APOBEC3B: variants seen among roughly 807,000 people sequenced by gnomAD.
APOBEC3B encodes apolipoprotein B mRNA editing enzyme catalytic subunit 3B, also known as DNA dC->dU-editing enzyme APOBEC-3B.
Under a neutral mutation model 53.4 loss-of-function variants are expected in APOBEC3B, and 29 were observed. That is an observed-to-expected ratio of 0.54 (90% CI 0.40 to 0.74). The LOEUF is 0.74. APOBEC3B is among the 30% of genes least tolerant of loss of function. The pLI is 0.00. For missense variants in APOBEC3B, 347 were observed against 496.2 expected, an observed-to-expected ratio of 0.70 and a Z score of 2.86; for synonymous variants, 132 against 184.8, an observed-to-expected ratio of 0.71 and a Z score of 2.32.
intron 5 of APOBEC3B, among the ~76,000 whole-genome samples, chr22:38,990,088 A>AGTGGGCCAGGAAAGG (rs1430264669): frequency 6.7e-6 from 1 of 149,138 alleles, no homozygotes; most frequent in Non-Finnish European, 1.5e-5. Context: ...TTGGGGAAGA[A>AGTGGGCCAGGAAAGG]CTGGGCCAGG....
At chr22:38,987,289 C>G (rs1923780124) in intron 4 of APOBEC3B, among the ~76,000 whole-genome samples, 1 of 147,946 alleles carries the variant, frequency 6.8e-6, no homozygotes, top group Non-Finnish European at 1.5e-5. Context: ...CAGCCCTGGG[C>G]TCTCTCCCCT....
At chr22:38,984,645 C>T (rs1344082012) in intron 2 of APOBEC3B, among the ~76,000 whole-genome samples, 1 of 148,192 alleles carries the variant, frequency 6.7e-6, no homozygotes, top group South Asian at 2.2e-4. Flanking sequence ...TTTCTTCAAC[C>T]TTGCCCTGGA....
rs1215602013 is a variant in APOBEC3B at position 38,988,679 on chromosome 22, CTT to C, written c.570-776_570-775del. 2.2e-4 allele frequency among the ~76,000 whole-genome samples: 2 copies of C among 9,004 alleles called. 1 individual carries two copies. Among genetic ancestry groups the C allele is most frequent in the Admixed American group, 2.4e-3 (2 of 826 alleles). 5.9% of individuals were successfully genotyped at this position (9,004 alleles called of 152,430 possible). A position where few individuals can be genotyped will look rare whatever the true frequency, so the allele number is the denominator to read the frequency against. ...TTCCTTGCTTCCTCTCTCTTTCTCTCTTTCTCTTTCTTTCTTTCTTTCTTTCT... is the reference window on the plus strand; with the variant it reads ...TTCCTTGCTTCCTCTCTCTTTCTCTCTCTCTTTCTTTCTTTCTTTCTTTCT... On this transcript the variant is annotated intron_variant, in intron 4 of 7. Transcript: ENST00000333467.
intron 5 of APOBEC3B, 35 bp downstream of exon 5, chr22:38,989,645 C>T (rs762123480): frequency 2.6e-6 from 4 of 1,532,212 alleles, no homozygotes; most frequent in African/African-American, 2.7e-5. Flanking sequence ...CAGGCAGGGC[C>T]CTCCCAATCC....
At chr22:38,988,111 CAA>C (rs1239401244) in intron 4 of APOBEC3B, among the ~76,000 whole-genome samples, 1 of 148,542 alleles carries the variant, frequency 6.7e-6, no homozygotes, top group Non-Finnish European at 1.5e-5. Flanking sequence ...AAAAAGGAGA[CAA>C]GAACTCCTCT....
chr22:38,983,150 C>G (rs1014953040), intron 1 of APOBEC3B, among the ~76,000 whole-genome samples: 1 of 147,878 alleles, frequency 6.8e-6, no homozygotes, highest in African/African-American at 2.5e-5. Context: ...AACCCCGTCT[C>G]TACTAAAAAA....
intron 4 of APOBEC3B, 130 bp downstream of exon 4, chr22:38,986,542 C>CCCAGGAA: frequency 9.0e-7 from 1 of 1,115,528 alleles, no homozygotes; most frequent in Non-Finnish European, 1.3e-6. Flanking sequence ...ACCACCTTCC[C>CCCAGGAA]TTAACTCCTG....
At position 38,987,101 on chromosome 22, in the gene APOBEC3B, A is replaced by T. The variant is rs1217758322; in HGVS notation, c.569+689A>T. ...TCTCCTGGAACAAGGGCCCTGGAAG[A>T]TAGAAATAGAATCCAAACCCAGGAC... On this transcript the variant is annotated intron_variant, in intron 4 of 7. Transcript: ENST00000333467. 1.3e-5 allele frequency among the ~76,000 whole-genome samples: 2 copies of T among 148,838 alleles called. 1 individual carries two copies. Among genetic ancestry groups the T allele is most frequent in the Admixed American group, 1.4e-4 (2 of 14,550 alleles).
At position 38,984,222 on chromosome 22, in the gene APOBEC3B, T is replaced by C. The variant is rs759424680; in HGVS notation, c.165T>C (p.Phe55=). Residue 55 remains phenylalanine, a synonymous_variant, in exon 2 of 8, where the codon TTT becomes TTC. Transcript: ENST00000333467. ...ATCTCCTTTGGGACACAGGGGTCTTTCGAGGCCAGGTACCACCCAAACTTC... is the reference window on the plus strand; with the variant it reads ...ATCTCCTTTGGGACACAGGGGTCTTCCGAGGCCAGGTACCACCCAAACTTC... The part of the protein sequence containing the change: ...RSNLLWDTGV[F]RGQVYFKPQY... The C allele has an allele frequency of 6.3e-7, 1 of 1,591,966 alleles. No individual in the cohort carries two copies.
chr22:38,988,914 C>T (rs913395072), intron 4 of APOBEC3B, among the ~76,000 whole-genome samples: 4 of 146,086 alleles, frequency 2.7e-5, no homozygotes, highest in Non-Finnish European at 6.0e-5. Context: ...CTGAGAAGCA[C>T]GTTTGGGAGA....
chr22:38,992,578 G>A lies in APOBEC3B; in HGVS notation c.*133G>A, dbSNP rs1924056599. 1.3e-6 allele frequency: 2 copies of A among 1,581,368 alleles called. No homozygotes were observed. Among genetic ancestry groups the A allele is most frequent in the Non-Finnish European group, 1.7e-6 (2 of 1,163,234 alleles). Reference sequence around the variant, plus strand: ...CTCACAGACACCAGCAAAGCAATGTGCTCCTGATCAAGTAGATTTTTTAAA... The same window carrying A: ...CTCACAGACACCAGCAAAGCAATGTACTCCTGATCAAGTAGATTTTTTAAA... On this transcript the variant is annotated 3_prime_UTR_variant, in exon 8 of 8. Transcript: ENST00000333467.
Position 38,984,337 on chromosome 22 carries a change from A to C in APOBEC3B, c.174+106A>C. 30 of 1,342,516 alleles carry C rather than the reference A, an allele frequency of 2.2e-5. 2 individuals are homozygous for C. Among genetic ancestry groups the C allele is most frequent in the Non-Finnish European group, 2.9e-5 (29 of 1,005,812 alleles). The allele number at this position is 1,342,516 out of a possible 1,614,324, so 83.2% of individuals were successfully genotyped here. ...AGGATTTATTTAGGTGCACTGGTTC[A>C]GCAGACTCACATCCAAAAAGGCTGA... On this transcript the variant is annotated intron_variant, in intron 2 of 7. Coordinates refer to ENST00000333467, the MANE Select transcript of APOBEC3B (RefSeq NM_004900.5).
intron 4 of APOBEC3B, among the ~76,000 whole-genome samples, chr22:38,988,347 C>A (rs12158968): frequency 0.062 from 9,237 of 148,536 alleles, 947 homozygotes; most frequent in South Asian, 0.11. Flanking sequence ...TGTGCCCCAG[C>A]CAGTGAAGAC....
rs368233569 is a variant in APOBEC3B, at chr22:38,991,358, C to T, written c.750C>T (p.Tyr250=). The T allele has an allele frequency of 1.8e-4, 279 of 1,541,914 alleles. No homozygotes were observed. The African/African-American group carries it at 2.7e-3, about 15-fold the overall frequency. Residue 250 remains tyrosine, a synonymous_variant, in exon 6 of 8, where the codon TAC becomes TAT. Coordinates refer to ENST00000333467, the MANE Select transcript of APOBEC3B (RefSeq NM_004900.5). Reference sequence around the variant, plus strand: ...CTAAGAATCTTCTCTGTGGCTTTTACGGCCGCCATGCGGAGCTGCGCTTCT... The same window carrying T: ...CTAAGAATCTTCTCTGTGGCTTTTATGGCCGCCATGCGGAGCTGCGCTTCT... ...NEAKNLLCGF[Y]GRHAELRFLD...
At chr22:38,988,494 G>A (rs1294801522) in intron 4 of APOBEC3B, among the ~76,000 whole-genome samples, 1 of 148,512 alleles carries the variant, frequency 6.7e-6, no homozygotes, top group Non-Finnish European at 1.5e-5. Flanking sequence ...TTAGAAAAGG[G>A]TGTTGCTTGT....
Position 38,991,380 on chromosome 22 carries a change from T to C in APOBEC3B, c.772T>C (p.Phe258Leu), listed in dbSNP as rs1347519446. 1 of 1,559,082 alleles carries C rather than the reference T, an allele frequency of 6.4e-7. No individual in the cohort carries two copies. Among genetic ancestry groups the C allele is most frequent in the Non-Finnish European group, 8.7e-7 (1 of 1,143,722 alleles). ...TTACGGCCGCCATGCGGAGCTGCGC[T>C]TCTTGGACCTGGTTCCTTCTTTGCA... ...GFYGRHAELR[F>L]LDLVPSLQLD... Residue 258 changes from phenylalanine to leucine, a missense_variant, in exon 6 of 8, where the codon TTC (phenylalanine) becomes CTC (leucine). Around this residue, in one of 5 missense-constraint regions of APOBEC3B, gnomAD observed 20 missense variants for 83.9 expected, o/e 0.24. Transcript: ENST00000333467.
rs1390132404 is a variant in APOBEC3B, at chr22:38,984,329, A to C, written c.174+98A>C. On this transcript the variant is annotated intron_variant, in intron 2 of 7. Transcript: ENST00000333467. ...GAGACAGGAGGATTTATTTAGGTGC[A>C]CTGGTTCAGCAGACTCACATCCAAA... 2 of 1,397,586 alleles carry C rather than the reference A, an allele frequency of 1.4e-6. 1 individual carries two copies. Among genetic ancestry groups the C allele is most frequent in the Admixed American group, 5.4e-5 (2 of 37,178 alleles). The allele number at this position is 1,397,586 out of a possible 1,614,324, so 86.6% of individuals were successfully genotyped here.
At chr22:38,987,676 G>A (rs1037816852) in intron 4 of APOBEC3B, among the ~76,000 whole-genome samples, 4 of 148,582 alleles carry the variant, frequency 2.7e-5, no homozygotes, top group African/African-American at 7.3e-5. Flanking sequence ...TTCCAAAGAC[G>A]CCTCCGCTGT....
chr22:38,988,937 C>T (rs1923880790), intron 4 of APOBEC3B, among the ~76,000 whole-genome samples: 1 of 146,182 alleles, frequency 6.8e-6, no homozygotes, highest in Non-Finnish European at 1.5e-5. Context: ...TCATGGCATC[C>T]AAAGGGACGT....
Sources: gnomAD v4.1 joint callset for allele counts (sites outside exome capture counted in the v4.1 genomes callset) on GRCh38, gnomAD v4.1.1 for gene constraint, gnomAD v4.1.1 regional missense constraint, MANE v1.5 for transcripts, NCBI Gene and HGNC (gene_info 2026-07-23, HGNC 2026-07-21) for gene names.